Variants in TMPRSS2 observed in about 807,000 individuals in gnomAD.
TMPRSS2 encodes the protein transmembrane protease serine 2.
A neutral mutation model predicts 67.4 loss-of-function variants in TMPRSS2; 59 were observed. The ratio of observed to expected loss-of-function variants is 0.88; its 90% CI spans 0.71 to 1.09. The LOEUF is 1.09. Ranked by LOEUF, TMPRSS2 falls within the 50% of genes least tolerant of loss-of-function variation. The pLI, the probability that TMPRSS2 is intolerant of heterozygous loss-of-function variation, is 0.00. For synonymous variants in TMPRSS2, 257 were observed against 257.0 expected (o/e 1.00, Z 0.00); for missense variants, 668 against 642.7 (o/e 1.04, Z -0.43).
chr21:41,464,549 A>G lies in TMPRSS2; in HGVS notation c.*1593T>C, dbSNP rs462471. The G allele has an allele frequency of 0.76, 161,976 of 214,356 alleles. 62,660 individuals carry two copies. Among genetic ancestry groups the G allele is most frequent in the Middle Eastern group, 0.87 (588 of 674 alleles). 13.3% of individuals were successfully genotyped at this position (214,356 alleles called of 1,614,324 possible). A position where few individuals can be genotyped will look rare whatever the true frequency, so the allele number is the denominator to read the frequency against. On this transcript the variant is annotated 3_prime_UTR_variant, in exon 14 of 14. Coordinates refer to ENST00000332149, the MANE Select transcript of TMPRSS2 (RefSeq NM_005656.4). ...CCAGGCAGAACTTCAAAGATGCAGT[A>G]GTTACTTTGAAAAAAAAATTGCATA...
chr21:41,507,614 C>T (rs1409817610), intron 1 of TMPRSS2, among the ~76,000 whole-genome samples: 2 of 152,222 alleles, frequency 1.3e-5, no homozygotes, highest in Non-Finnish European at 2.9e-5. Context: ...TCAGGTAACA[C>T]TGCGGGACTG....
intron 1 of TMPRSS2, chr21:41,507,837 C>T (rs1246636769): frequency 3.3e-6 from 4 of 1,206,254 alleles, no homozygotes; most frequent in East Asian, 3.2e-5. Context: ...CCAACAGGGG[C>T]GGCGAGGGCT....
rs1035278381 is a variant in TMPRSS2 at position 41,468,595 on chromosome 21, A to T, written c.1172-57T>A. 4 of 1,592,396 alleles carry T rather than the reference A, an allele frequency of 2.5e-6. No individual in the cohort carries two copies. The African/African-American group carries it at 4.0e-5, about 16-fold the overall frequency. ...TGTTGCCTGCAGCTCTCGCAGGGAG[A>T]GCACACTTCCCTCCCTGAGACCTCC... On this transcript the variant is annotated intron_variant, in intron 11 of 13. Transcript: ENST00000332149.
At chr21:41,488,803 A>G (rs772919071) in intron 4 of TMPRSS2, among the ~76,000 whole-genome samples, 4 of 151,966 alleles carry the variant, frequency 2.6e-5, no homozygotes, top group Non-Finnish European at 5.9e-5. Flanking sequence ...ACGCCTGACT[A>G]ATTTTTGTAT....
chr21:41,501,276 G>A (rs1246975158), intron 1 of TMPRSS2, among the ~76,000 whole-genome samples: 1 of 152,154 alleles, frequency 6.6e-6, no homozygotes, highest in Admixed American at 6.6e-5. Flanking sequence ...AGTTACCATG[G>A]ACTTTGGAAT....
At chr21:41,483,762 A>G (rs9979311) in intron 5 of TMPRSS2, among the ~76,000 whole-genome samples, 45,440 of 120,380 alleles carry the variant, frequency 0.38, 7,679 homozygotes, top group African/African-American at 0.49. Context: ...GTCTCAAGCT[A>G]GTCCTTTTTT....
intron 5 of TMPRSS2, among the ~76,000 whole-genome samples, chr21:41,485,574 A>C (rs926228097): frequency 6.6e-6 from 1 of 151,678 alleles, no homozygotes; most frequent in Non-Finnish European, 1.5e-5. Flanking sequence ...GCTTAACCCC[A>C]GGACATCGAA....
chr21:41,475,516 T>G (rs62652621), intron 8 of TMPRSS2, among the ~76,000 whole-genome samples: 58 of 25,614 alleles, frequency 2.3e-3, no homozygotes, highest in East Asian at 9.3e-3. Flanking sequence ...GGAGGTGAGG[T>G]GGTGAGTGAG....
intron 11 of TMPRSS2, among the ~76,000 whole-genome samples, chr21:41,469,394 C>A (rs539858204): frequency 5.9e-5 from 9 of 152,140 alleles, no homozygotes; most frequent in African/African-American, 2.2e-4. Context: ...ATCCATTCAT[C>A]CCCACTCCCC....
chr21:41,470,219 T>C (rs1197790170), intron 11 of TMPRSS2, among the ~76,000 whole-genome samples: 1 of 152,092 alleles, frequency 6.6e-6, no homozygotes, highest in Non-Finnish European at 1.5e-5. Context: ...AGAGAGCCTC[T>C]CTCTGTGGTT....
intron 11 of TMPRSS2, 59 bp downstream of exon 11, chr21:41,470,589 C>T (rs1406734513): frequency 6.5e-7 from 1 of 1,534,570 alleles, no homozygotes; most frequent in Non-Finnish European, 8.9e-7. Context: ...CCTCCCACTT[C>T]CGAACCCAAT....
In TMPRSS2 at chr21:41,478,906, G is replaced by A. The variant is rs1228889662; in HGVS notation, c.683+266C>T. On this transcript the variant is annotated intron_variant, in intron 7 of 13. Transcript: ENST00000332149. This position sits in a 1 kb window ranked among gnomAD's most constrained non-coding sequence, Gnocchi z 4.0. ...AGAAAACTAAATAGAGTTGAATGTC[G>A]ATGTTGCAAGTGTGAGCCGCTACCA... 1.3e-5 allele frequency among the ~76,000 whole-genome samples: 2 copies of A among 152,174 alleles called. No homozygotes were observed. The highest frequency in any genetic ancestry group is 1.5e-5 in the Non-Finnish European group (1 of 68,022).
chr21:41,491,664 T>C (rs929021080), intron 3 of TMPRSS2, among the ~76,000 whole-genome samples: 1 of 152,218 alleles, frequency 6.6e-6, no homozygotes, highest in African/African-American at 2.4e-5. Flanking sequence ...TGCCATTTTA[T>C]CCAAGATAAA....
chr21:41,493,595 A>T (rs2091355502), intron 3 of TMPRSS2, among the ~76,000 whole-genome samples: 1 of 152,250 alleles, frequency 6.6e-6, no homozygotes, highest in South Asian at 2.1e-4. Flanking sequence ...TAAAAGATCA[A>T]TGTAAAAGAT....
intron 1 of TMPRSS2, among the ~76,000 whole-genome samples, chr21:41,504,935 CG>C (rs1317340524): frequency 1.3e-5 from 2 of 152,018 alleles, no homozygotes; most frequent in Non-Finnish European, 1.5e-5. Flanking sequence ...TAAGGAGGGG[CG>C]GGGAAGAGTA....
At chr21:41,494,690 A>C (rs1216534564) in intron 2 of TMPRSS2, 112 bp from the exon 3 acceptor site, 2 of 1,024,038 alleles carry the variant, frequency 2.0e-6, no homozygotes, top group Non-Finnish European at 3.0e-6. Flanking sequence ...TAAATTGATA[A>C]TGTTTTTATT....
At chr21:41,493,251 G>A (rs1014270088) in intron 3 of TMPRSS2, among the ~76,000 whole-genome samples, 19 of 152,098 alleles carry the variant, frequency 1.2e-4, no homozygotes, top group Non-Finnish European at 2.5e-4. Flanking sequence ...AGAAGGGAAA[G>A]AGAGAATGAG....
At chr21:41,485,237 A>C (rs1236210534) in intron 5 of TMPRSS2, among the ~76,000 whole-genome samples, 1 of 152,066 alleles carries the variant, frequency 6.6e-6, no homozygotes, top group African/African-American at 2.4e-5. Context: ...AATAGTGTAC[A>C]ACTATTAAAG....
intron 3 of TMPRSS2, 42 bp downstream of exon 3, chr21:41,494,314 C>A (rs377337994): frequency 1.8e-4 from 281 of 1,598,932 alleles, no homozygotes; most frequent in Non-Finnish European, 2.3e-4. Context: ...AGACCCGGGA[C>A]CCCGGGTTTA....
Sources: gnomAD v4.1 joint callset for allele counts (sites outside exome capture counted in the v4.1 genomes callset) on GRCh38, gnomAD v4.1.1 for gene constraint, Gnocchi (gnomAD v3.1) non-coding constraint, MANE v1.5 for transcripts, NCBI Gene and HGNC (gene_info 2026-07-23, HGNC 2026-07-21) for gene names.